KIF6: variants seen among roughly 807,000 people sequenced by gnomAD.
KIF6 encodes the protein kinesin family member 6.
In KIF6, 106 loss-of-function variants were observed where a neutral mutation model predicts 112.7. That is an observed-to-expected ratio of 0.94 (90% CI 0.80 to 1.11). The LOEUF is 1.11. Ranked by LOEUF, KIF6 falls within the 50% of genes least tolerant of loss-of-function variation. KIF6 has a pLI of 0.00. For synonymous variants in KIF6, 339 were observed against 339.9 expected (o/e 1.00, Z 0.03); for missense variants, 929 against 964.0 (o/e 0.96, Z 0.48).
intron 13 of KIF6, among the ~76,000 whole-genome samples, chr6:39,504,324 T>G (rs1447866361): frequency 1.3e-5 from 2 of 152,098 alleles, no homozygotes; most frequent in Non-Finnish European, 2.9e-5. Context: ...TGTTAAAAAC[T>G]CTCAATAAAC....
At chr6:39,493,853 GGAGT>G (rs1775620707) in intron 13 of KIF6, among the ~76,000 whole-genome samples, 5 of 152,154 alleles carry the variant, frequency 3.3e-5, no homozygotes, top group African/African-American at 7.2e-5. Flanking sequence ...GCAGTAAGAT[GGAGT>G]TCAACTAGGA....
chr6:39,423,691 A>G (rs531738347), intron 14 of KIF6, among the ~76,000 whole-genome samples: 1 of 152,158 alleles, frequency 6.6e-6, no homozygotes, highest in South Asian at 2.1e-4. Context: ...GTCTCAATGC[A>G]CAGCACCATC....
At chr6:39,442,596 G>A (rs1771985095) in intron 13 of KIF6, among the ~76,000 whole-genome samples, 1 of 152,142 alleles carries the variant, frequency 6.6e-6, no homozygotes, top group Non-Finnish European at 1.5e-5. Flanking sequence ...AAGACAGCAC[G>A]CTGTGGCTCC....
chr6:39,434,569 TCAAAA>T (rs148687472), intron 13 of KIF6, among the ~76,000 whole-genome samples: 2 of 135,474 alleles, frequency 1.5e-5, no homozygotes, highest in African/African-American at 5.1e-5. Flanking sequence ...CGACTCCATC[TCAAAA>T]CAAAACAAAA....
At chr6:39,725,185 C>T (rs1790466462) in intron 1 of KIF6, 60 bp downstream of exon 1, 3 of 1,474,598 alleles carry the variant, frequency 2.0e-6, no homozygotes, top group African/African-American at 2.9e-5. Flanking sequence ...CGCGTGCCGC[C>T]GCCCGACCCC....
At chr6:39,574,440 G>C (rs574492849) in intron 10 of KIF6, among the ~76,000 whole-genome samples, 1 of 152,058 alleles carries the variant, frequency 6.6e-6, no homozygotes, top group Non-Finnish European at 1.5e-5. Context: ...ATACAAATTT[G>C]GCTAGATACA....
intron 3 of KIF6, among the ~76,000 whole-genome samples, chr6:39,668,909 T>A (rs530159315): frequency 9.3e-4 from 142 of 152,214 alleles, no homozygotes; most frequent in African/African-American, 2.9e-3. Flanking sequence ...AAATTTTAAA[T>A]TATAATAATA....
At chr6:39,539,902 C>T (rs1447690031) in intron 13 of KIF6, 101 bp downstream of exon 13, 3 of 831,276 alleles carry the variant, frequency 3.6e-6, no homozygotes, top group African/African-American at 3.4e-5. Context: ...ATAATTCTAA[C>T]AAAGAAATTG....
At chr6:39,534,198 C>G (rs1320689728) in intron 13 of KIF6, among the ~76,000 whole-genome samples, 1 of 152,206 alleles carries the variant, frequency 6.6e-6, no homozygotes, top group African/African-American at 2.4e-5. Context: ...AGCAATGGAA[C>G]AAAGCTGGAC....
intron 6 of KIF6, among the ~76,000 whole-genome samples, chr6:39,607,134 C>T (rs779554743): frequency 2.0e-5 from 3 of 151,940 alleles, no homozygotes; most frequent in African/African-American, 4.8e-5. Flanking sequence ...ATGTTTAATT[C>T]GAGATGAGAA....
chr6:39,716,723 G>C (rs1789874536), intron 2 of KIF6, among the ~76,000 whole-genome samples: 1 of 152,110 alleles, frequency 6.6e-6, no homozygotes, highest in South Asian at 2.1e-4. Context: ...TGATTCTTAG[G>C]AGGTCTTTTC....
intron 13 of KIF6, among the ~76,000 whole-genome samples, chr6:39,524,152 A>AAGAGAG (rs59374171): frequency 7.4e-5 from 11 of 149,554 alleles, no homozygotes; most frequent in Admixed American, 3.3e-4. Flanking sequence ...GTGTGTGTGA[A>AAGAGAG]AGAGAGAGAG....
chr6:39,358,015 G>GT (rs1384346324), intron 18 of KIF6, among the ~76,000 whole-genome samples: 1 of 152,158 alleles, frequency 6.6e-6, no homozygotes, highest in Admixed American at 6.5e-5. Flanking sequence ...ATACTTTCTG[G>GT]TTTTGCTTCT....
chr6:39,488,455 A>C (rs917047325), intron 13 of KIF6, among the ~76,000 whole-genome samples: 1 of 152,022 alleles, frequency 6.6e-6, no homozygotes, highest in Non-Finnish European at 1.5e-5. Context: ...ACTGCTATTC[A>C]CTTCAGGACT....
intron 9 of KIF6, among the ~76,000 whole-genome samples, chr6:39,584,604 T>C (rs929280471): frequency 2.6e-5 from 4 of 152,040 alleles, no homozygotes; most frequent in Non-Finnish European, 5.9e-5. Context: ...GAGCTGCAAG[T>C]AGGAAGAGCA....
At chr6:39,629,878 T>C (rs1041006823) in intron 5 of KIF6, among the ~76,000 whole-genome samples, 3 of 152,062 alleles carry the variant, frequency 2.0e-5, no homozygotes, top group Non-Finnish European at 2.9e-5. Flanking sequence ...GTAAGGTCCC[T>C]GTCCAGATTC....
At chr6:39,657,525 A>C (rs745340503) in intron 3 of KIF6, among the ~76,000 whole-genome samples, 4 of 152,218 alleles carry the variant, frequency 2.6e-5, no homozygotes, top group Admixed American at 6.5e-5. Context: ...GAATGGACTT[A>C]ACTTTCTCCC....
chr6:39,544,802 C>A, intron 11 of KIF6, 109 bp from the exon 12 acceptor site: 1 of 562,176 alleles, frequency 1.8e-6, no homozygotes. Flanking sequence ...CATGTGTGAC[C>A]TGTCTGATGC....
At chr6:39,345,838 A>G (rs1166850432) in intron 20 of KIF6, 49 bp from the exon 21 acceptor site, 1 of 1,385,720 alleles carries the variant, frequency 7.2e-7, no homozygotes, top group Non-Finnish European at 1.0e-6. Context: ...GCAAATTTAT[A>G]GAAGGAAATT....
Sources: gnomAD v4.1 joint callset for allele counts (sites outside exome capture counted in the v4.1 genomes callset) on GRCh38, gnomAD v4.1.1 for gene constraint, MANE v1.5 for transcripts, NCBI Gene and HGNC (gene_info 2026-07-23, HGNC 2026-07-21) for gene names.